The following SYNPR variants were observed in gnomAD, a reference collection of about 807,000 sequenced individuals.
The protein encoded by SYNPR is synaptoporin.
SYNPR carries 23 observed loss-of-function variants against 32.9 expected under a neutral mutation model. The observed-to-expected ratio is 0.70, with a 90% CI of 0.50 to 0.99. The LOEUF is 0.99. SYNPR is among the 50% of genes least tolerant of loss of function. SYNPR has a pLI of 0.00. For missense variants in SYNPR, 318 were observed against 349.3 expected (o/e 0.91, Z 0.71); for synonymous variants, 146 against 135.9 (o/e 1.07, Z -0.52).
At chr3:63,451,049 C>T (rs920483261) in intron 2 of SYNPR, among the ~76,000 whole-genome samples, 3 of 152,138 alleles carry the variant, frequency 2.0e-5, no homozygotes, top group Non-Finnish European at 4.4e-5. Context: ...TGGCCTTAGA[C>T]AATTCATCTG....
intron 2 of SYNPR, among the ~76,000 whole-genome samples, chr3:63,351,269 T>C (rs1313623069): frequency 6.6e-6 from 1 of 152,204 alleles, no homozygotes; most frequent in African/African-American, 2.4e-5. Context: ...GCTTACTTCA[T>C]CCAGTTTCAG....
chr3:63,528,321 C>A (rs1366869734), intron 3 of SYNPR, among the ~76,000 whole-genome samples: 1 of 152,118 alleles, frequency 6.6e-6, no homozygotes, highest in African/African-American at 2.4e-5. Context: ...GAGGTCATGT[C>A]CAAGCTTTTA....
At chr3:63,588,050 A>G (rs1175667945) in intron 4 of SYNPR, among the ~76,000 whole-genome samples, 1 of 152,110 alleles carries the variant, frequency 6.6e-6, no homozygotes, top group African/African-American at 2.4e-5. Context: ...GAATTGTATA[A>G]TATTTTAATT....
chr3:63,355,143 G>A (rs1186384324), intron 2 of SYNPR, among the ~76,000 whole-genome samples: 2 of 152,052 alleles, frequency 1.3e-5, no homozygotes, highest in African/African-American at 2.4e-5. Flanking sequence ...GCCGGGCATG[G>A]TGGCACACAC....
At chr3:63,537,802 A>G (rs1471128114) in intron 3 of SYNPR, among the ~76,000 whole-genome samples, 3 of 152,134 alleles carry the variant, frequency 2.0e-5, no homozygotes, top group African/African-American at 7.2e-5. Context: ...TGAGCTTTTA[A>G]GTCAGTCCTC....
chr3:63,388,672 A>C (rs1422098373), intron 2 of SYNPR, among the ~76,000 whole-genome samples: 1 of 151,404 alleles, frequency 6.6e-6, no homozygotes, highest in Non-Finnish European at 1.5e-5. Context: ...CACCCACCTC[A>C]GCCTCCCAAA....
At chr3:63,361,556 C>G (rs2087661191) in intron 2 of SYNPR, among the ~76,000 whole-genome samples, 1 of 148,832 alleles carries the variant, frequency 6.7e-6, no homozygotes. Context: ...AGAGATTGCA[C>G]CACTGCGCTC....
chr3:63,596,033 T>C (rs2106884839), intron 4 of SYNPR, among the ~76,000 whole-genome samples: 1 of 146,746 alleles, frequency 6.8e-6, no homozygotes, highest in African/African-American at 2.5e-5. Context: ...ATAGGGTACA[T>C]GTGCACAATG....
Position 63,612,145 on chromosome 3 carries a change from C to G in SYNPR, c.600+2829C>G, listed in dbSNP as rs185789312. On this transcript the variant is annotated intron_variant, in intron 5 of 5. Coordinates refer to ENST00000478300, the MANE Select transcript of SYNPR (RefSeq NM_001130003.2). ...TGGGAGCTAAGGTAAACTCTCTAATCCTTAGTTTTATCATCTGTAAAGTGG... is the reference window on the plus strand; with the variant it reads ...TGGGAGCTAAGGTAAACTCTCTAATGCTTAGTTTTATCATCTGTAAAGTGG... 5.9e-4 allele frequency among the ~76,000 whole-genome samples: 90 copies of G among 152,246 alleles called. 1 individual carries two copies. Among genetic ancestry groups the G allele is most frequent in the Admixed American group, 5.8e-3 (89 of 15,290 alleles).
At chr3:63,202,952 AT>A in the SYNPR span, among the ~76,000 whole-genome samples, 2 of 151,456 alleles carry the variant, frequency 1.3e-5, no homozygotes, top group African/African-American at 4.9e-5. Context: ...AGAAAATTTG[AT>A]TTCTTTAATC....
chr3:63,319,309 C>T (rs1006132620), intron 2 of SYNPR, among the ~76,000 whole-genome samples: 1 of 151,988 alleles, frequency 6.6e-6, no homozygotes, highest in Admixed American at 6.6e-5. Context: ...CAATATCAGA[C>T]TATTTTGGTT....
At chr3:63,218,402 G>A in the SYNPR span, among the ~76,000 whole-genome samples, 1 of 152,262 alleles carries the variant, frequency 6.6e-6, no homozygotes, top group South Asian at 2.1e-4. Flanking sequence ...AATCCACTAT[G>A]TGCCTCACAT....
intron 2 of SYNPR, among the ~76,000 whole-genome samples, chr3:63,455,220 G>A (rs1402001336): frequency 1.3e-5 from 2 of 151,996 alleles, no homozygotes; most frequent in African/African-American, 4.8e-5. Context: ...AAATATTTGA[G>A]CCAATATGTT....
At chr3:63,611,362 G>C (rs561327400) in intron 5 of SYNPR, among the ~76,000 whole-genome samples, 1 of 152,180 alleles carries the variant, frequency 6.6e-6, no homozygotes, top group Non-Finnish European at 1.5e-5. Flanking sequence ...CAAGCCATTT[G>C]ACCGAAACTT....
chr3:63,341,821 C>T (rs958445328), intron 2 of SYNPR, among the ~76,000 whole-genome samples: 3 of 152,116 alleles, frequency 2.0e-5, no homozygotes, highest in Admixed American at 2.0e-4. Context: ...CAGTATCTCT[C>T]ACAAAGCAGA....
At chr3:63,240,474 G>A (rs2086232386) in intron 1 of SYNPR, among the ~76,000 whole-genome samples, 1 of 152,056 alleles carries the variant, frequency 6.6e-6, no homozygotes, top group Non-Finnish European at 1.5e-5. Flanking sequence ...CTTGCTATGG[G>A]GGCCTCCGAA....
intron 2 of SYNPR, among the ~76,000 whole-genome samples, chr3:63,411,205 G>C (rs1250335702): frequency 1.3e-5 from 2 of 152,104 alleles, no homozygotes; most frequent in Admixed American, 6.6e-5. Flanking sequence ...GGGTGGGTGG[G>C]AAGTTAAAGT....
chr3:63,436,860 A>T (rs981365475), intron 2 of SYNPR, among the ~76,000 whole-genome samples: 1 of 152,040 alleles, frequency 6.6e-6, no homozygotes, highest in Non-Finnish European at 1.5e-5. Flanking sequence ...TCTACAGGGT[A>T]TGGGCTTTCC....
In SYNPR at chr3:63,460,475, G is replaced by A. The variant is rs74316968; in HGVS notation, c.85-20357G>A. On this transcript the variant is annotated intron_variant, in intron 2 of 5. Coordinates refer to ENST00000478300, the MANE Select transcript of SYNPR (RefSeq NM_001130003.2). The stretch of plus-strand genomic sequence containing the variant: ...ACTATAACCTCCTTGAAGCCAGAAA[G>A]CCTCTTTGGTTTTTAGCACTTGAAC... Among the ~76,000 whole-genome samples the A allele has an allele frequency of 8.6e-3, 1,271 of 147,982 alleles. 58 individuals carry two copies. The East Asian group carries it at 0.14, about 16-fold the overall frequency.
Sources: allele counts gnomAD v4.1 joint callset (sites outside exome capture counted in the v4.1 genomes callset), GRCh38; gene constraint gnomAD v4.1.1; transcripts MANE v1.5; gene names NCBI Gene and HGNC (gene_info 2026-07-23, HGNC 2026-07-21).